UFL1: variants seen among roughly 807,000 people sequenced by gnomAD.
UFL1 encodes E3 UFM1-protein ligase 1.
A neutral mutation model predicts 99.3 loss-of-function variants in UFL1; 78 were observed. That is an observed-to-expected ratio of 0.79 (90% confidence interval 0.65 to 0.95). The LOEUF (loss-of-function observed/expected upper bound fraction) is 0.95, where lower values mean the gene tolerates loss of function less well. Ranked by LOEUF, UFL1 falls within the 40% of genes least tolerant of loss-of-function variation. The pLI is 0.00. For synonymous variants in UFL1, 335 were observed against 322.2 expected, an observed-to-expected ratio of 1.04 and a Z score of -0.42; for missense variants, 936 against 937.0, an observed-to-expected ratio of 1.00 and a Z score of 0.01.
chr6:96,526,375 T>C lies in UFL1; in HGVS notation c.405T>C (p.Gly135=). The change falls in exon 5 of 19, where the codon GGT becomes GGC. Residue 135 remains glycine (G), a synonymous_variant. Coordinates refer to ENST00000369278, the MANE Select transcript of UFL1 (RefSeq NM_015323.5). ...EEVNDKLQES[G]QVTISELCKT... is the part of the protein sequence containing the mutation. Reference sequence around the variant, plus strand: ...TCAATGATAAATTGCAAGAAAGTGGTCAGGTCACCATATCAGAACTGTGTA... The same window carrying C: ...TCAATGATAAATTGCAAGAAAGTGGCCAGGTCACCATATCAGAACTGTGTA... 6.2e-7 allele frequency: 1 copy of C among 1,613,674 alleles called. No homozygotes were observed. The highest frequency in any genetic ancestry group is 8.5e-7 in the Non-Finnish European group (1 of 1,179,804).
At chr6:96,547,951 C>G (rs1018770808) in intron 12 of UFL1, among the ~76,000 whole-genome samples, 4 of 151,340 alleles carry the variant, frequency 2.6e-5, no homozygotes, top group Non-Finnish European at 5.9e-5. Flanking sequence ...GCATACGAAG[C>G]CCCTGAATAT....
At chr6:96,537,814 T>A (rs1441098503) in intron 9 of UFL1, among the ~76,000 whole-genome samples, 1 of 151,876 alleles carries the variant, frequency 6.6e-6, no homozygotes, top group African/African-American at 2.4e-5. Context: ...AAAGAATTGA[T>A]GAGACTTCTC....
intron 6 of UFL1, among the ~76,000 whole-genome samples, chr6:96,533,250 G>A (rs1276759125): frequency 2.0e-5 from 3 of 151,566 alleles, no homozygotes. Context: ...TACAGTCATA[G>A]GAGTCCACCC....
In UFL1 at chr6:96,553,517, CA is replaced by C; in HGVS notation, c.*15del. On this transcript the variant is annotated 3_prime_UTR_variant, in exon 19 of 19. Coordinates refer to ENST00000369278, the MANE Select transcript of UFL1 (RefSeq NM_015323.5). ...ACGGAAGAGTAATGATCTTAATTTA[CA>C]TTTGTCATATAGTAAGCATTTTCCC... is the stretch of plus-strand genomic sequence containing the variant. The C allele has an allele frequency of 6.2e-7, 1 of 1,608,820 alleles. No homozygotes were observed. Among genetic ancestry groups the C allele is most frequent in the East Asian group, 2.2e-5 (1 of 44,728 alleles).
Position 96,553,345 on chromosome 6 carries a change from AGTAAGAAGACTGG to A in UFL1, c.2229_2241del (p.Lys744ArgfsTer6). On this transcript the variant is annotated frameshift_variant, in exon 19 of 19. Coordinates refer to ENST00000369278, the MANE Select transcript of UFL1 (RefSeq NM_015323.5). LOFTEE classifies it high-confidence loss of function. ...GGTTGTAAAGCAGCTAGTCAGTCAA[AGTAAGAAGACTGG>A]GCAGGGAGATTATCCCTTGAATAAT... 1 of 1,613,838 alleles carries A rather than the reference AGTAAGAAGACTGG, an allele frequency of 6.2e-7. No individual in the cohort carries two copies. The highest frequency in any genetic ancestry group is 8.5e-7 in the Non-Finnish European group (1 of 1,179,824).
intron 8 of UFL1, among the ~76,000 whole-genome samples, chr6:96,537,173 C>T (rs1769865464): frequency 6.6e-6 from 1 of 151,596 alleles, no homozygotes; most frequent in Admixed American, 6.6e-5. Flanking sequence ...TTGTACTTTT[C>T]AGTTTCTTCA....
chr6:96,547,901 C>A (rs1348741117), intron 12 of UFL1, among the ~76,000 whole-genome samples: 1 of 151,448 alleles, frequency 6.6e-6, no homozygotes, highest in Non-Finnish European at 1.5e-5. Flanking sequence ...AGTAGTAGCC[C>A]AGTCCCTGCC....
chr6:96,548,181 A>T lies in UFL1; in HGVS notation c.1420A>T (p.Ile474Phe), dbSNP rs1057367750. ...CGATATAGGAAAGAAGAAGCCAGAG[A>T]TCAGTTTTATGTTCCAGGATGAGAT... ...SSHTGKKKPE[I>F]SFMFQDEIED... The change falls in exon 13 of 19, where the codon ATC becomes TTC. Residue 474 changes from isoleucine (I) to phenylalanine (F), a missense_variant. Ile to Phe is a conservative substitution (Grantham distance 21). Transcript: ENST00000369278. 4 of 1,596,950 alleles carry T rather than the reference A, an allele frequency of 2.5e-6. No homozygotes were observed. In the East Asian group the frequency reaches 9.0e-5, roughly 36 times the overall value.
Position 96,521,909 on chromosome 6 carries a change from G to C in UFL1, c.36G>C (p.Ala12=), listed in dbSNP as rs1055029795. 2 of 1,612,626 alleles carry C rather than the reference G, an allele frequency of 1.2e-6. No individual in the cohort carries two copies. The highest frequency in any genetic ancestry group is 1.7e-5 in the Admixed American group (1 of 59,960). The part of the protein sequence containing the change: ...ADAWEEIRRL[A]ADFQRAQFAE... ...CCTGGGAAGAGATTAGGCGGTTGGC[G>C]GCCGACTTCCAGCGGGCGCAGTTCG... is the stretch of plus-strand genomic sequence containing the variant. Residue 12 remains alanine, a synonymous_variant, in exon 1 of 19, where the codon GCG becomes GCC. Transcript: ENST00000369278.
At chr6:96,533,992 A>C (rs944379056) in intron 6 of UFL1, among the ~76,000 whole-genome samples, 2 of 151,762 alleles carry the variant, frequency 1.3e-5, no homozygotes, top group African/African-American at 4.8e-5. Flanking sequence ...GAAAAACCTA[A>C]AGACCAAGGC....
chr6:96,534,197 T>C (rs1769821779), intron 6 of UFL1, 66 bp from the exon 7 acceptor site: 2 of 1,030,722 alleles, frequency 1.9e-6, no homozygotes. Flanking sequence ...TATCCTATTT[T>C]TAAGTTCATT....
intron 6 of UFL1, 101 bp downstream of exon 6, chr6:96,528,733 C>G: frequency 7.3e-7 from 1 of 1,360,818 alleles, no homozygotes; most frequent in South Asian, 1.6e-5. Flanking sequence ...AATAAAGTCT[C>G]ATTTAGGACC....
intron 6 of UFL1, 39 bp from the exon 7 acceptor site, chr6:96,534,224 A>G: frequency 7.4e-7 from 1 of 1,355,656 alleles, no homozygotes; most frequent in Non-Finnish European, 9.9e-7. Context: ...TAACACTATA[A>G]TGAGTAAGAA....
intron 6 of UFL1, among the ~76,000 whole-genome samples, chr6:96,530,143 TAA>T (rs1292834049): frequency 3.9e-5 from 6 of 152,360 alleles, no homozygotes; most frequent in African/African-American, 1.4e-4. Context: ...ATTTAATTGA[TAA>T]GAGTCCTTAG....
At chr6:96,526,460 T>C (rs1769704162) in intron 5 of UFL1, 25 bp downstream of exon 5, 3 of 1,571,194 alleles carry the variant, frequency 1.9e-6, no homozygotes, top group African/African-American at 1.4e-5. Flanking sequence ...AATAATACAA[T>C]GTGTCTTTTT....
At chr6:96,532,133 C>T (rs952199702) in intron 6 of UFL1, among the ~76,000 whole-genome samples, 14 of 152,100 alleles carry the variant, frequency 9.2e-5, no homozygotes, top group Admixed American at 2.0e-4. Context: ...TCCAAATTGA[C>T]GTAAAAATTC....
chr6:96,552,890 A>G (rs1770102499), intron 18 of UFL1, among the ~76,000 whole-genome samples: 1 of 152,144 alleles, frequency 6.6e-6, no homozygotes, highest in Admixed American at 6.6e-5. Flanking sequence ...CAGAAAAGAT[A>G]CAATAATGTC....
chr6:96,545,226 A>G (rs1205859360), intron 12 of UFL1, among the ~76,000 whole-genome samples: 2 of 151,024 alleles, frequency 1.3e-5, no homozygotes. Flanking sequence ...TTATTTGTAA[A>G]GTTTTTGCTT....
At position 96,549,779 on chromosome 6, in the gene UFL1, C is replaced by A; in HGVS notation, c.1798C>A (p.Pro600Thr). ...ASDLMMAVDD[P>T]AAITSEIRKK... ...GGATTTAATGATGGCAGTAGACGATCCTGCAGCCATTACAAGTGAAGTATG... is the reference window on the plus strand; with the variant it reads ...GGATTTAATGATGGCAGTAGACGATACTGCAGCCATTACAAGTGAAGTATG... Residue 600 changes from proline to threonine, a missense_variant, in exon 15 of 19, where the codon CCT (proline) becomes ACT (threonine). Physicochemically the swap from Pro to Thr is conservative, Grantham distance 38. Coordinates refer to ENST00000369278, the MANE Select transcript of UFL1 (RefSeq NM_015323.5). 3 of 1,611,778 alleles carry A rather than the reference C, an allele frequency of 1.9e-6. No homozygotes were observed. The highest frequency in any genetic ancestry group is 2.5e-6 in the Non-Finnish European group (3 of 1,178,508).
Sources: gnomAD v4.1 joint callset for allele counts (sites outside exome capture counted in the v4.1 genomes callset) on GRCh38, gnomAD v4.1.1 for gene constraint, MANE v1.5 for transcripts, NCBI Gene and HGNC (gene_info 2026-07-23, HGNC 2026-07-21) for gene names.